STAB1: variants seen among roughly 807,000 people sequenced by gnomAD.
The protein encoded by STAB1 is stabilin-1.
In STAB1, 250 loss-of-function variants were observed where a neutral mutation model predicts 332.4. The observed-to-expected ratio is 0.75, with a 90% CI of 0.68 to 0.84. The LOEUF (loss-of-function observed/expected upper bound fraction) is 0.84. Among genes scored for constraint, STAB1 ranks in the 40% least tolerant of loss-of-function variants. STAB1 has a pLI of 0.00. For synonymous variants in STAB1, 1,475 were observed against 1,390.4 expected (o/e 1.06, Z -1.35); for missense variants, 3,249 against 3,489.7 (o/e 0.93, Z 1.74).
Position 52,504,473 on chromosome 3 carries a change from G to T in STAB1, c.1163G>T (p.Arg388Leu). ...VAVAMMDQGCREILTTAGPFT... is the reference protein window; with the variant it reads ...VAVAMMDQGCLEILTTAGPFT... ...CCCTGCCCCCCAGACCAGGGCTGCC[G>T]GGAAATCCTTACCACAGCGGGCCCT... The change falls in exon 11 of 69, where the codon CGG (arginine) becomes CTG (leucine). Residue 388 changes from arginine to leucine, a missense_variant. Arg to Leu is a moderately radical substitution (Grantham distance 102). Coordinates refer to ENST00000321725, the MANE Select transcript of STAB1 (RefSeq NM_015136.3). The T allele has an allele frequency of 6.2e-7, 1 of 1,613,950 alleles. No homozygotes were observed. Among genetic ancestry groups the T allele is most frequent in the South Asian group, 1.1e-5 (1 of 91,078 alleles).
chr3:52,520,544 C>T lies in STAB1; in HGVS notation c.5644C>T (p.Arg1882Ter), dbSNP rs145151033. The change falls in exon 53 of 69, where the codon CGA (arginine) becomes TGA (stop). Residue 1882 changes from arginine (R) to a stop codon, truncating the protein, a stop_gained. Coordinates refer to ENST00000321725, the MANE Select transcript of STAB1 (RefSeq NM_015136.3). LOFTEE classifies it high-confidence loss of function. ...RCDHFETRPLRLNTCSICGLE... is the reference protein window; with the variant it reads ...RCDHFETRPL The stretch of plus-strand genomic sequence containing the variant: ...TGACCACTTTGAGACCCGGCCCCTG[C>T]GACTGGTGAGGGAGGCCAGAGGCAG... The T allele has an allele frequency of 1.7e-5, 27 of 1,611,084 alleles. No individual in the cohort carries two copies. Among genetic ancestry groups the T allele is most frequent in the Non-Finnish European group, 2.2e-5 (26 of 1,178,776 alleles).
In STAB1 at chr3:52,518,787, G is replaced by C. The variant is rs757121260; in HGVS notation, c.4952G>C (p.Arg1651Pro). The change falls in exon 48 of 69, where the codon CGG (arginine) becomes CCG (proline). Residue 1651 changes from arginine (R) to proline (P), a missense_variant. Coordinates refer to ENST00000321725, the MANE Select transcript of STAB1 (RefSeq NM_015136.3). Reference protein sequence around the residue: ...LVFRYHVVGCRRLRSEDLLEQ... With the variant: ...LVFRYHVVGCPRLRSEDLLEQ... ...TTTCGCTACCACGTGGTTGGCTGTC[G>C]GCGGCTGCGGAGCGAGGACCTGCTG... is the stretch of plus-strand genomic sequence containing the variant. The C allele has an allele frequency of 2.5e-6, 4 of 1,612,066 alleles. No individual in the cohort carries two copies. Among genetic ancestry groups the C allele is most frequent in the South Asian group, 2.2e-5 (2 of 91,078 alleles).
At position 52,504,453 on chromosome 3, in the gene STAB1, C is replaced by G; in HGVS notation, c.1151-8C>G. 3 of 1,613,552 alleles carry G rather than the reference C, an allele frequency of 1.9e-6. No homozygotes were observed. Among genetic ancestry groups the G allele is most frequent in the East Asian group, 2.2e-5 (1 of 44,888 alleles). On this transcript the variant is annotated splice_region_variant and splice_polypyrimidine_tract_variant and intron_variant, in intron 10 of 68. Coordinates refer to ENST00000321725, the MANE Select transcript of STAB1 (RefSeq NM_015136.3). ...TCCCTTCTGATGCTCCCTCACCCTG[C>G]CCCCCAGACCAGGGCTGCCGGGAAA...
chr3:52,518,239 C>T (rs190733008), intron 45 of STAB1, 73 bp from the exon 46 acceptor site: 21,471 of 1,597,936 alleles, frequency 0.013, 179 homozygotes, highest in Non-Finnish European at 0.016. Context: ...GACCTTGGGC[C>T]GCAGGTGCTG....
At chr3:52,521,295 G>A in intron 55 of STAB1, 66 bp from the exon 56 acceptor site, 1 of 1,601,822 alleles carries the variant, frequency 6.2e-7, no homozygotes, top group South Asian at 1.1e-5. Flanking sequence ...CTAGGCTGGA[G>A]GTACGTATAT....
Position 52,503,835 on chromosome 3 carries a change from G to C in STAB1, c.955G>C (p.Ala319Pro). The C allele has an allele frequency of 6.2e-7, 1 of 1,613,220 alleles. No individual in the cohort carries two copies. Among genetic ancestry groups the C allele is most frequent in the Non-Finnish European group, 8.5e-7 (1 of 1,180,018 alleles). ...CAGCAACGCTTCTGCGGGCTGCTTC[G>C]CCTTCTGCTCCCCCTTCTCCTGCGA... ...INSNASAGCF[A>P]FCSPFSCDRS... Residue 319 changes from alanine (A) to proline (P), a missense_variant, in exon 9 of 69, where the codon GCC becomes CCC. Coordinates refer to ENST00000321725, the MANE Select transcript of STAB1 (RefSeq NM_015136.3).
In STAB1 at chr3:52,520,297, C is replaced by T. The variant is rs771782316; in HGVS notation, c.5499+7C>T. ...CTGCAGCCGAACGCGGGCCGTGAGT[C>T]TGGGGAGAGGGCTTGGATGAAGGGA... On this transcript the variant is annotated splice_region_variant and intron_variant, in intron 52 of 68. Transcript: ENST00000321725. 1.2e-6 allele frequency: 2 copies of T among 1,613,060 alleles called. No homozygotes were observed. The highest frequency in any genetic ancestry group is 1.7e-6 in the Non-Finnish European group (2 of 1,180,020).
chr3:52,496,796 A>G (rs182281449), intron 1 of STAB1, among the ~76,000 whole-genome samples: 5 of 152,228 alleles, frequency 3.3e-5, no homozygotes, highest in Admixed American at 1.3e-4. Context: ...TCAGAGACCT[A>G]TGGCTCTGAC....
chr3:52,512,000 G>A (rs1709333348), intron 26 of STAB1, among the ~76,000 whole-genome samples: 1 of 152,292 alleles, frequency 6.6e-6, no homozygotes, highest in East Asian at 1.9e-4. Flanking sequence ...CCCTGCCCTT[G>A]CTCCACTGTA....
Position 52,506,996 on chromosome 3 carries a change from C to T in STAB1, c.1989+146C>T, listed in dbSNP as rs887931326. The T allele has an allele frequency of 1.3e-5, 14 of 1,106,820 alleles. No homozygotes were observed. In the Admixed American group the frequency reaches 3.6e-4, roughly 28 times the overall value. The allele number at this position is 1,106,820 out of a possible 1,614,324, so 68.6% of individuals were successfully genotyped here. A position where few individuals can be genotyped will look rare whatever the true frequency, so the allele number is the denominator to read the frequency against. On this transcript the variant is annotated intron_variant, in intron 18 of 68. Transcript: ENST00000321725. ...TGCTGGCAGACTCCCAAGGACCCAC[C>T]TGTGCTTCCCCCACGCTCACCCTCA...
chr3:52,514,444 A>T lies in STAB1; in HGVS notation c.3626A>T (p.Asn1209Ile). The T allele has an allele frequency of 6.4e-7, 1 of 1,553,712 alleles. No homozygotes were observed. Among genetic ancestry groups the T allele is most frequent in the Non-Finnish European group, 8.7e-7 (1 of 1,149,524 alleles). Residue 1209 changes from asparagine (N) to isoleucine (I), a missense_variant, in exon 34 of 69, where the codon AAC becomes ATC. Coordinates refer to ENST00000321725, the MANE Select transcript of STAB1 (RefSeq NM_015136.3). ...METLRKGGHR[N>I]SLLGPAHWIV... Reference sequence around the variant, plus strand: ...ACCCTGCGGAAGGGTGGACACCGCAACTCCCTCCTGGGCCCTGCCCACTGG... The same window carrying T: ...ACCCTGCGGAAGGGTGGACACCGCATCTCCCTCCTGGGCCCTGCCCACTGG...
chr3:52,508,238 C>G, intron 20 of STAB1, 35 bp from the exon 21 acceptor site: 2 of 1,586,304 alleles, frequency 1.3e-6, no homozygotes, highest in East Asian at 2.2e-5. Context: ...GGCATGGACC[C>G]AGATGGCCTC....
At chr3:52,504,575 G>A in intron 11 of STAB1, 26 bp downstream of exon 11, 1 of 1,613,310 alleles carries the variant, frequency 6.2e-7, no homozygotes. Flanking sequence ...TGGTGGAGCT[G>A]GCCACTGGCC....
chr3:52,509,738 C>A, intron 22 of STAB1, 132 bp from the exon 23 acceptor site: 1 of 911,498 alleles, frequency 1.1e-6, no homozygotes, highest in Non-Finnish European at 1.7e-6. Flanking sequence ...CTGAGATAAC[C>A]TCTGATTTTT....
rs764930537 is a variant in STAB1, at chr3:52,503,337, C to T, written c.695-7C>T. On this transcript the variant is annotated splice_polypyrimidine_tract_variant and splice_region_variant and intron_variant, in intron 7 of 68. Transcript: ENST00000321725. Reference sequence around the variant, plus strand: ...GGCTCACTTGGGCTCTCTCTCTGCCCTGGCAGCCCCCAACCCCTGCTGGCC... The same window carrying T: ...GGCTCACTTGGGCTCTCTCTCTGCCTTGGCAGCCCCCAACCCCTGCTGGCC... 2 of 1,604,306 alleles carry T rather than the reference C, an allele frequency of 1.2e-6. No individual in the cohort carries two copies. Among genetic ancestry groups the T allele is most frequent in the South Asian group, 2.2e-5 (2 of 90,098 alleles).
Position 52,503,343 on chromosome 3 carries a change from GC to G in STAB1, c.699del (p.Asn234ThrfsTer16), listed in dbSNP as rs1318952279. The G allele has an allele frequency of 1.9e-6, 3 of 1,606,372 alleles. No individual in the cohort carries two copies. The highest frequency in any genetic ancestry group is 2.6e-6 in the Non-Finnish European group (3 of 1,175,498). On this transcript the variant is annotated frameshift_variant and splice_region_variant, in exon 8 of 69. Transcript: ENST00000321725. LOFTEE classifies it high-confidence loss of function. ...CTTGGGCTCTCTCTCTGCCCTGGCA[GC>G]CCCCAACCCCTGCTGGCCATCACCC... ...GYTQQGSECR[A>X]PNPCWPSPCS...
At chr3:52,496,267 C>T (rs1279782158) in intron 1 of STAB1, among the ~76,000 whole-genome samples, 1 of 152,220 alleles carries the variant, frequency 6.6e-6, no homozygotes, top group African/African-American at 2.4e-5. Context: ...TGCTCAGGCC[C>T]CATGGTAGGG....
rs150259424 is a variant in STAB1 at position 52,506,176 on chromosome 3, G to A, written c.1756G>A (p.Val586Ile). The part of the protein sequence containing the change: ...YHIYNHGQLT[V>I]EKLISKGRIL... ...ACACTGTCCCTTGCCCCAGCTGACC[G>A]TTGAGAAGCTCATCTCCAAGGGTCG... The change falls in exon 17 of 69, where the codon GTT becomes ATT. Residue 586 changes from valine to isoleucine, a missense_variant. By Grantham distance (29) the Val-to-Ile change is conservative. Transcript: ENST00000321725. 1.0e-4 allele frequency: 169 copies of A among 1,611,256 alleles called. No individual in the cohort carries two copies. Among genetic ancestry groups the A allele is most frequent in the African/African-American group, 4.5e-4 (34 of 74,894 alleles).
In STAB1 at chr3:52,522,792, C is replaced by T. The variant is rs79651662; in HGVS notation, c.6762C>T (p.Cys2254=). ...TCCTACAGCTGGGCTTCCACCTGTG[C>T]CTCATGGGCTGGCTGGCCAATGGCT... ...SAAQQLGFHL[C]LMGWLANGST... is the part of the protein sequence containing the mutation. The change falls in exon 62 of 69, where the codon TGC becomes TGT. Residue 2254 remains cysteine, a synonymous_variant. Transcript: ENST00000321725. 2.6e-3 allele frequency: 4,222 copies of T among 1,613,212 alleles called. 13 individuals carry two copies. Among genetic ancestry groups the T allele is most frequent in the Non-Finnish European group, 3.3e-3 (3,850 of 1,179,980 alleles).
Sources: allele counts gnomAD v4.1 joint callset (sites outside exome capture counted in the v4.1 genomes callset), GRCh38; gene constraint gnomAD v4.1.1; transcripts MANE v1.5; gene names NCBI Gene and HGNC (gene_info 2026-07-23, HGNC 2026-07-21).